GRM7: variants seen among roughly 807,000 people sequenced by gnomAD.
GRM7 encodes the protein metabotropic glutamate receptor 7.
In GRM7, 35 loss-of-function variants were observed where a neutral mutation model predicts 84.5. That is an observed-to-expected ratio of 0.41 (90% CI 0.32 to 0.55). The LOEUF is 0.55. Ranked by LOEUF, GRM7 falls within the 20% of genes least tolerant of loss-of-function variation. The probability of loss-of-function intolerance (pLI) is 0.19; values close to 1 mark genes in which losing one functional copy is unlikely to be tolerated. For missense variants in GRM7, 1,003 were observed against 1,194.6 expected (o/e 0.84, Z 2.36); for synonymous variants, 487 against 455.1 (o/e 1.07, Z -0.89).
intron 1 of GRM7, among the ~76,000 whole-genome samples, chr3:6,936,779 A>T (rs979597380): frequency 6.6e-6 from 1 of 152,204 alleles, no homozygotes; most frequent in African/African-American, 2.4e-5. Flanking sequence ...CCATGATAGT[A>T]GTAGATACTT....
At chr3:7,531,810 G>T (rs1299139397) in intron 7 of GRM7, among the ~76,000 whole-genome samples, 2 of 152,048 alleles carry the variant, frequency 1.3e-5, no homozygotes, top group African/African-American at 4.8e-5. Flanking sequence ...TCTCTTACCT[G>T]ATTGCCCTGG....
At chr3:7,696,400 G>A (rs1283122504) in intron 9 of GRM7, among the ~76,000 whole-genome samples, 2 of 152,188 alleles carry the variant, frequency 1.3e-5, no homozygotes. Flanking sequence ...TGGCAAGTTT[G>A]TTTGTGGTCA....
intron 1 of GRM7, among the ~76,000 whole-genome samples, chr3:6,869,236 G>GAT (rs1695034245): frequency 6.6e-6 from 1 of 151,988 alleles, no homozygotes; most frequent in Non-Finnish European, 1.5e-5. Context: ...TCCACTTACT[G>GAT]CCTGTCTGAC....
chr3:6,910,706 C>A (rs1696739228), intron 1 of GRM7, among the ~76,000 whole-genome samples: 1 of 152,084 alleles, frequency 6.6e-6, no homozygotes, highest in African/African-American at 2.4e-5. Context: ...GGCAACATAG[C>A]AAGAACCCAC....
At chr3:7,725,918 TA>T (rs1702109053) in intron 9 of GRM7, among the ~76,000 whole-genome samples, 1 of 152,092 alleles carries the variant, frequency 6.6e-6, no homozygotes, top group African/African-American at 2.4e-5. Flanking sequence ...ACTCCAACGT[TA>T]GGGGGAGAAG....
At chr3:7,662,370 T>G (rs1229382280) in intron 8 of GRM7, among the ~76,000 whole-genome samples, 4 of 152,016 alleles carry the variant, frequency 2.6e-5, no homozygotes, top group Non-Finnish European at 5.9e-5. Context: ...TCTTTAAATA[T>G]GCACAGTTTA....
At chr3:7,097,772 C>G (rs887202995) in intron 1 of GRM7, among the ~76,000 whole-genome samples, 8 of 152,108 alleles carry the variant, frequency 5.3e-5, no homozygotes, top group Admixed American at 4.6e-4. Context: ...TTTTGTCTCA[C>G]ATATCAAAAT....
At chr3:7,254,979 A>G (rs770737084) in intron 2 of GRM7, among the ~76,000 whole-genome samples, 6 of 152,230 alleles carry the variant, frequency 3.9e-5, no homozygotes, top group Non-Finnish European at 7.3e-5. Flanking sequence ...AGACAATTTC[A>G]TCAGCTGTAT....
chr3:7,002,714 C>T (rs530562236), intron 1 of GRM7, among the ~76,000 whole-genome samples: 14 of 152,164 alleles, frequency 9.2e-5, no homozygotes, highest in South Asian at 4.2e-4. Context: ...GACAACCCAA[C>T]GATCCAGCAA....
At chr3:7,004,310 A>G (rs554184209) in intron 1 of GRM7, among the ~76,000 whole-genome samples, 20 of 152,292 alleles carry the variant, frequency 1.3e-4, no homozygotes, top group African/African-American at 4.8e-4. Context: ...TATATGATGT[A>G]TTGGGATGAA....
Position 6,861,811 on chromosome 3 carries a change from G to T in GRM7, c.423G>T (p.Pro141=). ...ACGTGCGCTGCACCAACGGCGAACCGCCGGTTTTCGTCAAGCCGGAGAAAG... is the reference window on the plus strand; with the variant it reads ...ACGTGCGCTGCACCAACGGCGAACCTCCGGTTTTCGTCAAGCCGGAGAAAG... ...TSDVRCTNGE[P]PVFVKPEKVV... The change falls in exon 1 of 10, where the codon CCG becomes CCT. Residue 141 remains proline, a synonymous_variant. Transcript: ENST00000357716. The surrounding 1 kb of genome is among the most constrained non-coding windows in gnomAD (Gnocchi z 6.4). 1 of 1,614,160 alleles carries T rather than the reference G, an allele frequency of 6.2e-7. No homozygotes were observed. The highest frequency in any genetic ancestry group is 8.5e-7 in the Non-Finnish European group (1 of 1,180,028).
chr3:7,121,880 G>A (rs1423430500), intron 1 of GRM7, among the ~76,000 whole-genome samples: 6 of 152,172 alleles, frequency 3.9e-5, no homozygotes, highest in Non-Finnish European at 8.8e-5. Flanking sequence ...CATGAGAGCA[G>A]AGCTCTCGTG....
intron 4 of GRM7, among the ~76,000 whole-genome samples, chr3:7,359,046 A>G (rs908510912): frequency 1.3e-5 from 2 of 150,628 alleles, no homozygotes; most frequent in African/African-American, 4.9e-5. Context: ...TTGAACCAGG[A>G]AGTTGTGGTG....
chr3:7,312,712 G>T (rs1700444273), intron 4 of GRM7, among the ~76,000 whole-genome samples: 2 of 151,904 alleles, frequency 1.3e-5, no homozygotes, highest in Admixed American at 1.3e-4. Context: ...CTGACCATTG[G>T]GATGGATGAT....
chr3:6,944,429 T>G (rs1369511698), intron 1 of GRM7, among the ~76,000 whole-genome samples: 5 of 152,162 alleles, frequency 3.3e-5, no homozygotes, highest in African/African-American at 1.2e-4. Context: ...CTATGGAGAT[T>G]ACTTATATGG....
At chr3:7,106,946 C>T (rs1265934787) in intron 1 of GRM7, among the ~76,000 whole-genome samples, 1 of 151,980 alleles carries the variant, frequency 6.6e-6, no homozygotes, top group Non-Finnish European at 1.5e-5. Flanking sequence ...GTGCATAGTG[C>T]TGTGCCAGTT....
intron 1 of GRM7, among the ~76,000 whole-genome samples, chr3:7,046,972 A>T (rs897772441): frequency 5.9e-5 from 9 of 152,066 alleles, no homozygotes; most frequent in African/African-American, 2.2e-4. Flanking sequence ...ATAAACACTG[A>T]AAACAGGAAG....
At chr3:7,196,804 C>G (rs1445836810) in intron 2 of GRM7, among the ~76,000 whole-genome samples, 2 of 152,070 alleles carry the variant, frequency 1.3e-5, no homozygotes, top group Admixed American at 6.6e-5. Context: ...AGTTTAATAT[C>G]CTCATTATCT....
intron 8 of GRM7, among the ~76,000 whole-genome samples, chr3:7,634,793 CAAAA>C (rs59904264): frequency 2.2e-5 from 3 of 137,566 alleles, no homozygotes; most frequent in Admixed American, 1.4e-4. Context: ...GACTCTGTCT[CAAAA>C]AAAAAAAAAG....
Sources: allele counts gnomAD v4.1 joint callset (sites outside exome capture counted in the v4.1 genomes callset), GRCh38; gene constraint gnomAD v4.1.1; non-coding constraint Gnocchi (gnomAD v3.1); transcripts MANE v1.5; gene names NCBI Gene and HGNC (gene_info 2026-07-23, HGNC 2026-07-21).